SPATA13: variants seen among roughly 807,000 people sequenced by gnomAD.
The protein encoded by SPATA13 is spermatogenesis associated 13.
A neutral mutation model predicts 104.0 loss-of-function variants in SPATA13; 50 were observed. That is an observed-to-expected ratio of 0.48 (90% CI 0.38 to 0.61). The LOEUF (loss-of-function observed/expected upper bound fraction) is 0.61. Among genes scored for constraint, SPATA13 ranks in the 20% least tolerant of loss-of-function variants. The probability of loss-of-function intolerance (pLI) is 0.00; values close to 1 mark genes in which losing one functional copy is unlikely to be tolerated. For synonymous variants in SPATA13, 606 were observed against 667.5 expected, an observed-to-expected ratio of 0.91 and a Z score of 1.42; for missense variants, 1,524 against 1,690.6, an observed-to-expected ratio of 0.90 and a Z score of 1.73.
chr13:24,001,715 G>A (rs997340195), intron 2 of SPATA13, among the ~76,000 whole-genome samples: 2 of 152,024 alleles, frequency 1.3e-5, no homozygotes, highest in Non-Finnish European at 2.9e-5. Flanking sequence ...AATGATGGCC[G>A]TGGATATGGA....
At chr13:24,034,118 C>G (rs982164873) in intron 3 of SPATA13, 4 of 152,054 alleles carry the variant, frequency 2.6e-5, no homozygotes, top group Admixed American at 6.6e-5. Flanking sequence ...ATGAGACCGT[C>G]GACATTTAGC....
intron 2 of SPATA13, among the ~76,000 whole-genome samples, chr13:24,017,065 A>AG (rs931242238): frequency 2.0e-5 from 3 of 149,440 alleles, no homozygotes; most frequent in African/African-American, 7.7e-5. Context: ...TGACAGGGTC[A>AG]GGGGGCAGAC....
intron 3 of SPATA13, among the ~76,000 whole-genome samples, chr13:24,124,042 G>C (rs1055080477): frequency 1.6e-4 from 24 of 152,086 alleles, no homozygotes; most frequent in Admixed American, 6.5e-5. Flanking sequence ...TTGGGCCTGG[G>C]GTCCTGGACA....
At chr13:24,170,204 C>T (rs1039609708) in intron 1 of SPATA13, among the ~76,000 whole-genome samples, 1 of 152,216 alleles carries the variant, frequency 6.6e-6, no homozygotes, top group African/African-American at 2.4e-5. Flanking sequence ...TCCACACTAG[C>T]ATCTCTGAAG....
rs765827913 is a variant in SPATA13, at chr13:24,297,529, G to A, written c.3377G>A (p.Arg1126Gln). 1.9e-6 allele frequency: 3 copies of A among 1,614,244 alleles called. No individual in the cohort carries two copies. The highest frequency in any genetic ancestry group is 1.1e-5 in the South Asian group (1 of 91,090). ...AGGGACATGCTGTACTACAAGGGCC[G>A]GCTGGACATGGATGAGATGGAGCTT... ...LRRDMLYYKG[R>Q]LDMDEMELVD... Residue 1126 changes from arginine (R) to glutamine (Q), a missense_variant, in exon 11 of 13, where the codon CGG (arginine) becomes CAG (glutamine). Arg to Gln is a conservative substitution (Grantham distance 43). Around this residue, in one of 2 missense-constraint regions of SPATA13, gnomAD observed 435 missense variants for 554.8 expected, o/e 0.78. Transcript: ENST00000382108.
At chr13:24,238,926 A>T (rs915905264) in intron 2 of SPATA13, among the ~76,000 whole-genome samples, 6 of 152,152 alleles carry the variant, frequency 3.9e-5, no homozygotes, top group Non-Finnish European at 7.3e-5. Context: ...GCTCCTTGCG[A>T]TCTTGCCTTT....
At chr13:24,084,172 A>C (rs1400486881) in intron 3 of SPATA13, among the ~76,000 whole-genome samples, 1 of 152,224 alleles carries the variant, frequency 6.6e-6, no homozygotes, top group Admixed American at 6.5e-5. Flanking sequence ...CTTAGCAACA[A>C]GCGAGACGAG....
At chr13:24,272,461 C>T (rs1218594227) in intron 4 of SPATA13, among the ~76,000 whole-genome samples, 1 of 152,176 alleles carries the variant, frequency 6.6e-6, no homozygotes, top group African/African-American at 2.4e-5. Context: ...ACAACAAGCA[C>T]CATATTTAAA....
intron 4 of SPATA13, chr13:24,278,470 G>T (rs1030979410): frequency 2.3e-6 from 1 of 429,034 alleles, no homozygotes; most frequent in Non-Finnish European, 4.0e-6. Context: ...ATAGAGATGG[G>T]TCTTATTATG....
At chr13:24,183,399 G>GCTTAGTACAC (rs1463408564) in intron 1 of SPATA13, among the ~76,000 whole-genome samples, 1 of 152,154 alleles carries the variant, frequency 6.6e-6, no homozygotes, top group African/African-American at 2.4e-5. Context: ...CATGCCTTAA[G>GCTTAGTACAC]CTTAGTACAC....
At chr13:24,010,759 T>C (rs1876437296) in intron 2 of SPATA13, among the ~76,000 whole-genome samples, 1 of 152,030 alleles carries the variant, frequency 6.6e-6, no homozygotes, top group Non-Finnish European at 1.5e-5. Flanking sequence ...ACCCAAGGCC[T>C]GGATGGTGTC....
At chr13:24,005,446 A>G (rs982003321) in intron 2 of SPATA13, among the ~76,000 whole-genome samples, 1 of 152,184 alleles carries the variant, frequency 6.6e-6, no homozygotes, top group Non-Finnish European at 1.5e-5. Flanking sequence ...CCAGGACAGG[A>G]GCTCATATTT....
chr13:24,204,385 G>C (rs895815984), intron 1 of SPATA13, among the ~76,000 whole-genome samples: 3 of 151,922 alleles, frequency 2.0e-5, no homozygotes, highest in Non-Finnish European at 4.4e-5. Flanking sequence ...TGTTTTAAAA[G>C]CATTGTTTTT....
At chr13:24,229,801 C>G (rs1315709898) in intron 2 of SPATA13, among the ~76,000 whole-genome samples, 2 of 152,190 alleles carry the variant, frequency 1.3e-5, no homozygotes, top group African/African-American at 4.8e-5. Context: ...ATGTCAGATA[C>G]AAGAGACCAG....
intron 4 of SPATA13, among the ~76,000 whole-genome samples, chr13:24,266,697 T>C (rs1394032142): frequency 6.6e-6 from 1 of 152,242 alleles, no homozygotes; most frequent in Non-Finnish European, 1.5e-5. Flanking sequence ...TTTTACAGTG[T>C]TGCCAATAAT....
intron 3 of SPATA13, among the ~76,000 whole-genome samples, chr13:24,027,743 G>A (rs1335129458): frequency 2.0e-5 from 3 of 152,082 alleles, no homozygotes; most frequent in Admixed American, 6.5e-5. Flanking sequence ...TCATATACTC[G>A]AAATTGGGTA....
chr13:24,087,221 C>G (rs894399351), intron 3 of SPATA13, among the ~76,000 whole-genome samples: 1 of 152,138 alleles, frequency 6.6e-6, no homozygotes, highest in Admixed American at 6.5e-5. Flanking sequence ...AAGAGAGGGG[C>G]AGGGGTGAGG....
intron 2 of SPATA13, among the ~76,000 whole-genome samples, chr13:24,234,720 G>C (rs1872480481): frequency 6.6e-6 from 1 of 152,184 alleles, no homozygotes; most frequent in African/African-American, 2.4e-5. Context: ...GGAATAGAGA[G>C]AGGGGCCCTG....
chr13:24,070,146 A>G (rs1879105720), intron 3 of SPATA13, among the ~76,000 whole-genome samples: 1 of 152,214 alleles, frequency 6.6e-6, no homozygotes, highest in African/African-American at 2.4e-5. Flanking sequence ...GCAGGGGCAG[A>G]TTGTGGACTA....
Sources: allele counts gnomAD v4.1 joint callset (sites outside exome capture counted in the v4.1 genomes callset), GRCh38; gene constraint gnomAD v4.1.1; regional missense constraint gnomAD v4.1.1; transcripts MANE v1.5; gene names NCBI Gene and HGNC (gene_info 2026-07-23, HGNC 2026-07-21).